CPA6: variants seen among roughly 807,000 people sequenced by gnomAD.
The protein encoded by CPA6 is carboxypeptidase A6, also known as carboxypeptidase B.
In CPA6, 58 loss-of-function variants were observed where a neutral mutation model predicts 63.3. The observed-to-expected ratio is 0.92, with a 90% CI of 0.74 to 1.14. The LOEUF (loss-of-function observed/expected upper bound fraction) is 1.14. Ranked by LOEUF, CPA6 falls within the 50% of genes most tolerant of loss-of-function variation. The pLI is 0.00. For missense variants in CPA6, 565 were observed against 526.6 expected, an observed-to-expected ratio of 1.07 and a Z score of -0.71; for synonymous variants, 185 against 179.0, an observed-to-expected ratio of 1.03 and a Z score of -0.27.
chr8:67,434,365 C>A (rs970208942), intron 8 of CPA6, 125 bp from the exon 9 acceptor site: 21 of 766,442 alleles, frequency 2.7e-5, no homozygotes, highest in Non-Finnish European at 4.2e-5. Flanking sequence ...TTAAGCAATT[C>A]ATCTAACTTC....
chr8:67,643,355 C>T (rs1370561628), intron 1 of CPA6, among the ~76,000 whole-genome samples: 2 of 152,184 alleles, frequency 1.3e-5, no homozygotes, highest in South Asian at 2.1e-4. Context: ...AACTGTACCT[C>T]TCCAAAAAAT....
chr8:67,468,786 G>A (rs984289971), intron 8 of CPA6, among the ~76,000 whole-genome samples: 1 of 152,072 alleles, frequency 6.6e-6, no homozygotes, highest in African/African-American at 2.4e-5. Flanking sequence ...ACCTCAGCAT[G>A]TACTGTATCT....
chr8:67,617,919 G>T (rs1291822693), intron 2 of CPA6, among the ~76,000 whole-genome samples: 1 of 143,374 alleles, frequency 7.0e-6, no homozygotes, highest in East Asian at 2.1e-4. Context: ...GCAGTTCACG[G>T]CATGGCTGTT....
chr8:67,483,555 T>C, intron 8 of CPA6: 1 of 573,912 alleles, frequency 1.7e-6, no homozygotes, highest in Non-Finnish European at 3.1e-6. Flanking sequence ...CGAATTGACA[T>C]ATTTAAAATC....
chr8:67,460,694 A>T (rs1810779829), intron 8 of CPA6, among the ~76,000 whole-genome samples: 1 of 152,266 alleles, frequency 6.6e-6, no homozygotes, highest in South Asian at 2.1e-4. Flanking sequence ...CCAGTAAAAT[A>T]AAACAAATTT....
chr8:67,625,553 T>C (rs1815176661), intron 1 of CPA6, among the ~76,000 whole-genome samples: 1 of 152,210 alleles, frequency 6.6e-6, no homozygotes, highest in Non-Finnish European at 1.5e-5. Flanking sequence ...AACTATTCAA[T>C]GTCTTTTGCA....
At position 67,746,287 on chromosome 8, in the gene CPA6, G is replaced by GGA; in HGVS notation, c.-160_-159dup. ...TGTGACACTTCTCTCCAGCTACAAG[G>GGA]GAAAAAAAAAGTTCAGGCAGCTGAG... On this transcript the variant is annotated 5_prime_UTR_variant, in exon 1 of 11. Coordinates refer to ENST00000297770, the MANE Select transcript of CPA6 (RefSeq NM_020361.5). 2.1e-6 allele frequency: 1 copy of GGA among 487,044 alleles called. No homozygotes were observed. The highest frequency in any genetic ancestry group is 1.9e-5 in the African/African-American group (1 of 51,674). 30.2% of individuals were successfully genotyped at this position (487,044 alleles called of 1,614,324 possible). A position where few individuals can be genotyped will look rare whatever the true frequency, so the allele number is the denominator to read the frequency against.
At chr8:67,483,881 G>A (rs1453111656) in intron 7 of CPA6, 23 bp from the exon 8 acceptor site, 9 of 1,580,444 alleles carry the variant, frequency 5.7e-6, no homozygotes, top group Non-Finnish European at 7.8e-6. Flanking sequence ...AAGAAAACAG[G>A]TGCTGAGAAA....
intron 1 of CPA6, among the ~76,000 whole-genome samples, chr8:67,682,027 T>C (rs771376029): frequency 2.6e-5 from 4 of 152,064 alleles, no homozygotes; most frequent in Non-Finnish European, 5.9e-5. Context: ...TGTTTCTCTG[T>C]ACATAACGTG....
chr8:67,482,985 C>T (rs1473548899), intron 8 of CPA6, among the ~76,000 whole-genome samples: 1 of 152,184 alleles, frequency 6.6e-6, no homozygotes, highest in Non-Finnish European at 1.5e-5. Flanking sequence ...ACCTAACCCT[C>T]ATTGTAGAAT....
intron 9 of CPA6, among the ~76,000 whole-genome samples, chr8:67,431,856 C>T (rs965997854): frequency 9.2e-5 from 14 of 152,072 alleles, no homozygotes; most frequent in Non-Finnish European, 1.9e-4. Flanking sequence ...AAAGTCTTCC[C>T]CAGGCCCTCC....
At chr8:67,518,092 G>C in intron 2 of CPA6, 45 bp from the exon 3 acceptor site, 2 of 1,481,936 alleles carry the variant, frequency 1.3e-6, no homozygotes, top group Admixed American at 4.8e-5. Flanking sequence ...AACGTAGGGG[G>C]GGAAAATCTG....
intron 2 of CPA6, among the ~76,000 whole-genome samples, chr8:67,572,149 G>C (rs945019638): frequency 4.6e-5 from 7 of 152,164 alleles, no homozygotes; most frequent in Non-Finnish European, 7.4e-5. Context: ...AATCTGAACA[G>C]ACTGATAATG....
intron 2 of CPA6, among the ~76,000 whole-genome samples, chr8:67,545,873 T>C (rs1812808254): frequency 6.6e-6 from 1 of 152,132 alleles, no homozygotes; most frequent in Admixed American, 6.5e-5. Flanking sequence ...TACTGTTATC[T>C]TTCTAAAATG....
At chr8:67,567,278 A>C (rs1254689806) in intron 2 of CPA6, among the ~76,000 whole-genome samples, 1 of 152,244 alleles carries the variant, frequency 6.6e-6, no homozygotes, top group Admixed American at 6.5e-5. Flanking sequence ...CCTGAAGTTC[A>C]TGCAGTTTTG....
chr8:67,693,014 A>T (rs962200902), intron 1 of CPA6, among the ~76,000 whole-genome samples: 7 of 152,208 alleles, frequency 4.6e-5, no homozygotes, highest in African/African-American at 1.7e-4. Flanking sequence ...AAAAATTCCA[A>T]CGATGACTCA....
chr8:67,475,783 TTC>T (rs1811166859), intron 8 of CPA6, among the ~76,000 whole-genome samples: 1 of 67,204 alleles, frequency 1.5e-5, no homozygotes, highest in African/African-American at 1.0e-4. Flanking sequence ...CTTTCTTTCT[TTC>T]TTTCTTTCTT....
chr8:67,677,445 T>C (rs908058200), intron 1 of CPA6, among the ~76,000 whole-genome samples: 2 of 151,620 alleles, frequency 1.3e-5, no homozygotes, highest in Non-Finnish European at 2.9e-5. Flanking sequence ...CGGTATAGTA[T>C]ACTTACAACA....
rs1491249434 is a variant in CPA6 at position 67,475,880 on chromosome 8, TCC to T, written c.838+7886_838+7887del. Among the ~76,000 whole-genome samples, 15 of 43,286 alleles carry T rather than the reference TCC, an allele frequency of 3.5e-4. 1 individual carries two copies. The highest frequency in any genetic ancestry group is 1.6e-3 in the South Asian group (2 of 1,252). 28.4% of individuals were successfully genotyped at this position (43,286 alleles called of 152,430 possible). Reference sequence around the variant, plus strand: ...CTTTCTTTCTTTCTTTCTTTCTTTCTCCTTTCTTTCTTTCTTTCTTTCTTTCT... The same window carrying T: ...CTTTCTTTCTTTCTTTCTTTCTTTCTTTTCTTTCTTTCTTTCTTTCTTTCT... On this transcript the variant is annotated intron_variant, in intron 8 of 10. Coordinates refer to ENST00000297770, the MANE Select transcript of CPA6 (RefSeq NM_020361.5).
Sources: allele counts gnomAD v4.1 joint callset (sites outside exome capture counted in the v4.1 genomes callset), GRCh38; gene constraint gnomAD v4.1.1; transcripts MANE v1.5; gene names NCBI Gene and HGNC (gene_info 2026-07-23, HGNC 2026-07-21).